Variants in RABGAP1L observed in about 807,000 individuals in gnomAD.
RABGAP1L encodes the protein RAB GTPase activating protein 1 like, also known as rab GTPase-activating protein 1-like.
In RABGAP1L, 63 loss-of-function variants were observed where a neutral mutation model predicts 137.7. The ratio of observed to expected loss-of-function variants is 0.46; its 90% CI spans 0.37 to 0.56. The LOEUF is 0.56. Ranked by LOEUF, RABGAP1L falls within the 20% of genes least tolerant of loss-of-function variation. The pLI is 0.00. For missense variants in RABGAP1L, 1,095 were observed against 1,244.0 expected (o/e 0.88, Z 1.80); for synonymous variants, 431 against 433.7 (o/e 0.99, Z 0.08).
intron 13 of RABGAP1L, among the ~76,000 whole-genome samples, chr1:174,613,177 T>G (rs1671439640): frequency 6.6e-6 from 1 of 151,244 alleles, no homozygotes; most frequent in Non-Finnish European, 1.5e-5. Flanking sequence ...CTTTCCTGCT[T>G]TCTCTTGTGG....
At chr1:174,619,393 G>A (rs1445470762) in intron 13 of RABGAP1L, among the ~76,000 whole-genome samples, 1 of 152,212 alleles carries the variant, frequency 6.6e-6, no homozygotes, top group Non-Finnish European at 1.5e-5. Context: ...CAGAGAGGAA[G>A]GTTGGGTTAC....
At chr1:174,395,458 GAAAC>G (rs1177684959) in intron 13 of RABGAP1L, among the ~76,000 whole-genome samples, 6 of 152,018 alleles carry the variant, frequency 3.9e-5, no homozygotes, top group African/African-American at 1.4e-4. Flanking sequence ...ACTACTTTTG[GAAAC>G]AAACTCATGT....
chr1:174,750,176 A>G (rs760307377), intron 17 of RABGAP1L, among the ~76,000 whole-genome samples: 1 of 152,082 alleles, frequency 6.6e-6, no homozygotes, highest in Non-Finnish European at 1.5e-5. Context: ...GGGCCCTGCT[A>G]TCTGCTATGT....
chr1:174,800,981 T>C (rs1340382298), intron 18 of RABGAP1L, among the ~76,000 whole-genome samples: 2 of 152,238 alleles, frequency 1.3e-5, no homozygotes, highest in Non-Finnish European at 2.9e-5. Flanking sequence ...CACCTAAAAA[T>C]ACTTTGGTAG....
intron 19 of RABGAP1L, among the ~76,000 whole-genome samples, chr1:174,952,874 GCCA>G (rs1191373730): frequency 1.3e-5 from 2 of 151,902 alleles, no homozygotes; most frequent in Non-Finnish European, 2.9e-5. Context: ...ATAGGCATGA[GCCA>G]CCACACCTGG....
At chr1:174,187,242 C>T (rs1666871814) in intron 1 of RABGAP1L, among the ~76,000 whole-genome samples, 1 of 151,604 alleles carries the variant, frequency 6.6e-6, no homozygotes, top group East Asian at 1.9e-4. Context: ...CTAATATCAC[C>T]CTTTTCTCTT....
intron 1 of RABGAP1L, among the ~76,000 whole-genome samples, chr1:174,187,634 A>G (rs1195612705): frequency 6.6e-6 from 1 of 152,150 alleles, no homozygotes; most frequent in Middle Eastern, 3.2e-3. Flanking sequence ...AGAATAATGC[A>G]AATTTACTAA....
At chr1:174,551,088 A>G (rs1666511279) in intron 13 of RABGAP1L, among the ~76,000 whole-genome samples, 1 of 147,002 alleles carries the variant, frequency 6.8e-6, no homozygotes, top group Non-Finnish European at 1.5e-5. Flanking sequence ...ACACGCATGT[A>G]GTCGCAGCTA....
At chr1:174,972,271 A>C (rs898596629) in intron 21 of RABGAP1L, among the ~76,000 whole-genome samples, 2 of 152,234 alleles carry the variant, frequency 1.3e-5, no homozygotes, top group Admixed American at 6.5e-5. Context: ...CAGAAGCTAC[A>C]TGGACTAAGT....
intron 19 of RABGAP1L, among the ~76,000 whole-genome samples, chr1:174,900,783 G>T (rs1223376605): frequency 1.4e-4 from 22 of 152,220 alleles, no homozygotes; most frequent in South Asian, 2.1e-4. Context: ...GCCTCCCAAA[G>T]TGCTGGGGTT....
chr1:174,250,401 A>G (rs551090503), intron 5 of RABGAP1L, 74 bp from the exon 6 acceptor site: 7 of 1,121,766 alleles, frequency 6.2e-6, no homozygotes, highest in Admixed American at 5.4e-5. Flanking sequence ...TGTAGATTCA[A>G]GAGTTAGGAG....
chr1:174,798,571 G>A (rs1433384688), intron 18 of RABGAP1L, among the ~76,000 whole-genome samples: 1 of 151,884 alleles, frequency 6.6e-6, no homozygotes, highest in Non-Finnish European at 1.5e-5. Context: ...TATTGTTAAG[G>A]GAGGCAGAAT....
intron 13 of RABGAP1L, among the ~76,000 whole-genome samples, chr1:174,621,537 A>T (rs1269208132): frequency 6.6e-6 from 1 of 152,236 alleles, no homozygotes; most frequent in Non-Finnish European, 1.5e-5. Context: ...CAGAGCCCTC[A>T]GAAGTAACAC....
chr1:174,624,310 A>C (rs1410592799), intron 13 of RABGAP1L, among the ~76,000 whole-genome samples: 1 of 152,180 alleles, frequency 6.6e-6, no homozygotes, highest in Non-Finnish European at 1.5e-5. Context: ...CTGATTTCCC[A>C]TAGCTAACAT....
At chr1:174,168,473 T>A (rs988110991) in intron 1 of RABGAP1L, among the ~76,000 whole-genome samples, 8 of 152,096 alleles carry the variant, frequency 5.3e-5, no homozygotes, top group Admixed American at 1.3e-4. Context: ...CATTTTTTTT[T>A]AAATCTCATG....
intron 13 of RABGAP1L, among the ~76,000 whole-genome samples, chr1:174,550,590 T>C (rs1246635234): frequency 2.0e-5 from 3 of 152,110 alleles, no homozygotes; most frequent in Non-Finnish European, 2.9e-5. Context: ...CTGATGTGGC[T>C]GCTTTAGAGG....
intron 19 of RABGAP1L, among the ~76,000 whole-genome samples, chr1:174,848,481 C>A (rs961673188): frequency 6.7e-6 from 1 of 148,688 alleles, no homozygotes; most frequent in East Asian, 2.0e-4. Flanking sequence ...GTTGGAATAC[C>A]CTGCAGTGTG....
intron 17 of RABGAP1L, chr1:174,705,859 G>T (rs986610315): frequency 2.0e-5 from 3 of 152,122 alleles, no homozygotes; most frequent in Non-Finnish European, 4.4e-5. Flanking sequence ...GGTAAACACA[G>T]TCTTAAATAG....
At chr1:174,744,070 A>G (rs1683668404) in intron 17 of RABGAP1L, among the ~76,000 whole-genome samples, 2 of 117,910 alleles carry the variant, frequency 1.7e-5, no homozygotes, top group East Asian at 3.1e-4. Flanking sequence ...CAAGGCTACT[A>G]TGTTGGTCTG....
Sources: allele counts gnomAD v4.1 joint callset (sites outside exome capture counted in the v4.1 genomes callset), GRCh38; gene constraint gnomAD v4.1.1; transcripts MANE v1.5; gene names NCBI Gene and HGNC (gene_info 2026-07-23, HGNC 2026-07-21).